The following AKAP8L variants were observed in gnomAD, a reference collection of about 807,000 sequenced individuals.
AKAP8L encodes the protein A-kinase anchor protein 8-like.
In AKAP8L, 34 loss-of-function variants were observed where a neutral mutation model predicts 77.5. That is an observed-to-expected ratio of 0.44 (90% confidence interval 0.33 to 0.58). AKAP8L has a LOEUF of 0.58. Among genes scored for constraint, AKAP8L ranks in the 20% least tolerant of loss-of-function variants. The pLI is 0.02. For missense variants in AKAP8L, 806 were observed against 887.6 expected (o/e 0.91, Z 1.17); for synonymous variants, 342 against 340.7 (o/e 1.00, Z -0.04).
At chr19:15,413,494 T>G (rs1292163902) in intron 1 of AKAP8L, among the ~76,000 whole-genome samples, 1 of 152,146 alleles carries the variant, frequency 6.6e-6, no homozygotes, top group Admixed American at 6.5e-5. Flanking sequence ...GGTATACAGA[T>G]CCAGTCTTCT....
At position 15,398,109 on chromosome 19, in the gene AKAP8L, T is replaced by C; in HGVS notation, c.1158-254A>G. ...TTCCCACAGGCAGGAGGCTGAAGCC[T>C]GAGACAGCAGCTGCTGCAACAGGCA... On this transcript the variant is annotated intron_variant, in intron 9 of 13. Coordinates refer to ENST00000397410, the MANE Select transcript of AKAP8L (RefSeq NM_014371.4). This position sits in a 1 kb window ranked among gnomAD's most constrained non-coding sequence, Gnocchi z 9.2. 2.0e-6 allele frequency: 1 copy of C among 507,236 alleles called. No individual in the cohort carries two copies. The highest frequency in any genetic ancestry group is 3.4e-5 in the East Asian group (1 of 29,766). 31.4% of individuals were successfully genotyped at this position (507,236 alleles called of 1,614,324 possible).
intron 1 of AKAP8L, among the ~76,000 whole-genome samples, chr19:15,411,985 G>T (rs1968113761): frequency 6.6e-6 from 1 of 152,164 alleles, no homozygotes; most frequent in Non-Finnish European, 1.5e-5. Flanking sequence ...CGAGGCAGGT[G>T]GATCACGAGG....
At chr19:15,384,277 C>T (rs931734045) in intron 12 of AKAP8L, among the ~76,000 whole-genome samples, 16 of 147,272 alleles carry the variant, frequency 1.1e-4, no homozygotes, top group Admixed American at 4.2e-4. Context: ...CTTAAAAGAT[C>T]TCAAGCCTTT....
At position 15,418,913 on chromosome 19, in the gene AKAP8L, G is replaced by A. The variant is rs758313855; in HGVS notation, c.11C>T (p.Thr4Ile). ...CGACCCCACCCTGCCAGGCCCACCT[G>A]TGTAGCTCATGGTGGCGGGCAACAC... Reference protein sequence around the residue: MSYTGFVQGSETTL... With the variant: MSYIGFVQGSETTL... Residue 4 changes from threonine to isoleucine, a missense_variant and splice_region_variant, in exon 1 of 14, where the codon ACA (threonine) becomes ATA (isoleucine). Physicochemically the swap from Thr to Ile is moderately conservative, Grantham distance 89. Transcript: ENST00000397410. 6.2e-7 allele frequency: 1 copy of A among 1,604,092 alleles called. No homozygotes were observed. Among genetic ancestry groups the A allele is most frequent in the South Asian group, 1.1e-5 (1 of 90,980 alleles).
chr19:15,407,003 T>C (rs1968014295), intron 2 of AKAP8L, among the ~76,000 whole-genome samples: 1 of 152,184 alleles, frequency 6.6e-6, no homozygotes, highest in South Asian at 2.1e-4. Context: ...GGCTCACACC[T>C]GTAATCCTTT....
intron 12 of AKAP8L, among the ~76,000 whole-genome samples, chr19:15,390,418 C>CAA (rs34396645): frequency 1.1e-3 from 123 of 109,298 alleles, no homozygotes; most frequent in Non-Finnish European, 2.0e-3. Context: ...GACCCTGTCT[C>CAA]AAAAAAAAAA....
At chr19:15,395,983 C>CAAAAAAAAAAAAAAAAA (rs751904092) in intron 12 of AKAP8L, among the ~76,000 whole-genome samples, 2 of 40,502 alleles carry the variant, frequency 4.9e-5, no homozygotes, top group African/African-American at 9.3e-5. Context: ...GACTCCGTCT[C>CAAAAAAAAAAAAAAAAA]AAAAAAAAAA....
chr19:15,395,592 C>T (rs575301132), intron 12 of AKAP8L, among the ~76,000 whole-genome samples: 5 of 151,456 alleles, frequency 3.3e-5, no homozygotes, highest in East Asian at 4.0e-4. Context: ...GGATTACACG[C>T]GTGAGCCACC....
chr19:15,380,667 C>G (rs1330188087), intron 12 of AKAP8L, 55 bp from the exon 13 acceptor site: 3 of 1,566,570 alleles, frequency 1.9e-6, no homozygotes, highest in Non-Finnish European at 1.7e-6. Flanking sequence ...CTACAAGTTG[C>G]TGCCCCGACC....
chr19:15,403,437 C>T lies in AKAP8L; in HGVS notation c.362+38G>A, dbSNP rs760286505. On this transcript the variant is annotated intron_variant, in intron 4 of 13. Coordinates refer to ENST00000397410, the MANE Select transcript of AKAP8L (RefSeq NM_014371.4). This position sits in a 1 kb window ranked among gnomAD's most constrained non-coding sequence, Gnocchi z 4.3. ...CAGTGGGCAGCAGGCAGGAGCCGCC[C>T]CTGCAGAGTCTCAACCCCTAGGCAG... 5 of 1,600,784 alleles carry T rather than the reference C, an allele frequency of 3.1e-6. No individual in the cohort carries two copies. The highest frequency in any genetic ancestry group is 3.3e-5 in the Admixed American group (2 of 59,968).
chr19:15,393,865 T>G (rs1967714694), intron 12 of AKAP8L, among the ~76,000 whole-genome samples: 1 of 149,056 alleles, frequency 6.7e-6, no homozygotes, highest in Non-Finnish European at 1.5e-5. Context: ...ATCGCGCCAT[T>G]GCACTCCAGC....
Position 15,401,743 on chromosome 19 carries a change from T to C in AKAP8L, c.363-140A>G. The C allele has an allele frequency of 2.9e-6, 2 of 689,754 alleles. No individual in the cohort carries two copies. Among genetic ancestry groups the C allele is most frequent in the East Asian group, 2.7e-5 (1 of 36,602 alleles). The allele number at this position is 689,754 out of a possible 1,614,324, so 42.7% of individuals were successfully genotyped here. ...AGGCTCAATGTTCAGAAATGCCGAT[T>C]AAAGAGTTCCAGCCTCTCAGCTGAT... On this transcript the variant is annotated intron_variant, in intron 4 of 13. Transcript: ENST00000397410. This position sits in a 1 kb window ranked among gnomAD's most constrained non-coding sequence, Gnocchi z 6.2.
Position 15,399,482 on chromosome 19 carries a change from G to C in AKAP8L, c.1049-72C>G, listed in dbSNP as rs540250521. 6.6e-5 allele frequency: 75 copies of C among 1,132,470 alleles called. No individual in the cohort carries two copies. In the African/African-American group the frequency reaches 1.1e-3, roughly 16 times the overall value. 70.2% of individuals were successfully genotyped at this position (1,132,470 alleles called of 1,614,324 possible). ...AGGGCAGGCCCTGCGGCCTCTGGCTGAATCACCCACTGTCCACTCCAGAGG... is the reference window on the plus strand; with the variant it reads ...AGGGCAGGCCCTGCGGCCTCTGGCTCAATCACCCACTGTCCACTCCAGAGG... On this transcript the variant is annotated intron_variant, in intron 8 of 13. Coordinates refer to ENST00000397410, the MANE Select transcript of AKAP8L (RefSeq NM_014371.4). This position sits in a 1 kb window ranked among gnomAD's most constrained non-coding sequence, Gnocchi z 6.1.
chr19:15,388,265 G>A (rs1207706350), intron 12 of AKAP8L, among the ~76,000 whole-genome samples: 2 of 151,458 alleles, frequency 1.3e-5, no homozygotes, highest in Non-Finnish European at 2.9e-5. Flanking sequence ...TGGGAGGGTG[G>A]GTGGGGGATC....
At position 15,401,252 on chromosome 19, in the gene AKAP8L, A is replaced by G. The variant is rs766060938; in HGVS notation, c.714T>C (p.Gly238=). ...GGGAGCCGCCCGGGAAGGCGCCCCCACCTCGCATGCCCTGGAACATGCCGT... is the reference window on the plus strand; with the variant it reads ...GGGAGCCGCCCGGGAAGGCGCCCCCGCCTCGCATGCCCTGGAACATGCCGT... ...PEYGMFQGMR[G]GGAFPGGSRF... is the part of the protein sequence containing the mutation. Residue 238 remains glycine (G), a synonymous_variant, in exon 5 of 14, where the codon GGT becomes GGC. Transcript: ENST00000397410. This position sits in a 1 kb window ranked among gnomAD's most constrained non-coding sequence, Gnocchi z 6.2. 3.7e-6 allele frequency: 6 copies of G among 1,613,498 alleles called. No individual in the cohort carries two copies. The African/African-American group carries it at 8.0e-5, about 22-fold the overall frequency.
chr19:15,410,103 C>T (rs887571979), intron 2 of AKAP8L, among the ~76,000 whole-genome samples: 4 of 152,070 alleles, frequency 2.6e-5, no homozygotes, highest in Non-Finnish European at 5.9e-5. Flanking sequence ...CCACCATGCC[C>T]GGCTAATTTT....
At position 15,400,327 on chromosome 19, in the gene AKAP8L, CCAT is replaced by C; in HGVS notation, c.1013_1015del (p.Asp338del). On this transcript the variant is annotated inframe_deletion, in exon 8 of 14. Transcript: ENST00000397410. ...TGGATCCTCTTTGCCTTCTTCTCTC[CCAT>C]CCTCTTTTCCCTCCTCATCCTCTCC... The C allele has an allele frequency of 6.2e-7, 1 of 1,613,948 alleles. No homozygotes were observed. The highest frequency in any genetic ancestry group is 1.1e-5 in the South Asian group (1 of 91,084).
intron 12 of AKAP8L, among the ~76,000 whole-genome samples, chr19:15,384,474 T>G (rs1015575998): frequency 8.6e-5 from 13 of 151,556 alleles, no homozygotes; most frequent in African/African-American, 3.2e-4. Context: ...TAATTTTTTG[T>G]ATTTTAGTAG....
chr19:15,395,712 C>T (rs960729060), intron 12 of AKAP8L, among the ~76,000 whole-genome samples: 4 of 149,944 alleles, frequency 2.7e-5, no homozygotes, highest in South Asian at 2.2e-4. Flanking sequence ...AGGCCGGGCG[C>T]GGTGGCTCAC....
Sources: allele counts gnomAD v4.1 joint callset (sites outside exome capture counted in the v4.1 genomes callset), GRCh38; gene constraint gnomAD v4.1.1; non-coding constraint Gnocchi (gnomAD v3.1); transcripts MANE v1.5; gene names NCBI Gene and HGNC (gene_info 2026-07-23, HGNC 2026-07-21).